Variants in NEBL observed in about 807,000 individuals in gnomAD.
NEBL encodes the protein LIM and SH3 protein 2.
In NEBL, 122 loss-of-function variants were observed where a neutral mutation model predicts 140.2. That is an observed-to-expected ratio of 0.87 (90% CI 0.75 to 1.01). NEBL has a LOEUF of 1.01. Ranked by LOEUF, NEBL falls within the 50% of genes least tolerant of loss-of-function variation. The pLI is 0.00. For synonymous variants in NEBL, 436 were observed against 398.9 expected, an observed-to-expected ratio of 1.09 and a Z score of -1.11; for missense variants, 1,365 against 1,231.3, an observed-to-expected ratio of 1.11 and a Z score of -1.62.
chr10:20,865,152 G>A (rs556717465), intron 7 of NEBL, among the ~76,000 whole-genome samples: 1 of 152,236 alleles, frequency 6.6e-6, no homozygotes, highest in East Asian at 1.9e-4. Flanking sequence ...ATGAATTTAA[G>A]GCCAGAATCT....
chr10:21,150,893 C>T (rs930204571), intron 2 of NEBL, among the ~76,000 whole-genome samples: 4 of 152,080 alleles, frequency 2.6e-5, no homozygotes, highest in Admixed American at 6.5e-5. Flanking sequence ...AACAAGGTTC[C>T]GTTGTCAAAA....
At chr10:21,136,178 C>T (rs1333140156) in intron 2 of NEBL, among the ~76,000 whole-genome samples, 1 of 152,180 alleles carries the variant, frequency 6.6e-6, no homozygotes, top group Non-Finnish European at 1.5e-5. Flanking sequence ...ATTAAGATCA[C>T]CTAGTGAGAC....
intron 2 of NEBL, among the ~76,000 whole-genome samples, chr10:21,105,038 A>G (rs1220181429): frequency 6.6e-6 from 1 of 152,182 alleles, no homozygotes; most frequent in Admixed American, 6.6e-5. Context: ...ATCTTTTTTA[A>G]GGTTATGCCA....
chr10:20,926,729 A>T (rs1299480907), intron 4 of NEBL, among the ~76,000 whole-genome samples: 52 of 152,212 alleles, frequency 3.4e-4, no homozygotes. Flanking sequence ...GGCCAGCAGC[A>T]TTACTGCCGA....
intron 22 of NEBL, 101 bp downstream of exon 22, chr10:20,815,524 T>C: frequency 6.2e-6 from 6 of 966,260 alleles, no homozygotes; most frequent in Non-Finnish European, 9.9e-6. Context: ...TCACAAATGT[T>C]TCTTGAAAAT....
intron 2 of NEBL, among the ~76,000 whole-genome samples, chr10:20,891,499 T>C (rs1847028819): frequency 6.6e-6 from 1 of 152,186 alleles, no homozygotes; most frequent in Non-Finnish European, 1.5e-5. Context: ...ATTTTTATCT[T>C]TTGCCACCAT....
intron 1 of NEBL, among the ~76,000 whole-genome samples, chr10:21,275,225 G>A (rs1842905687): frequency 6.6e-6 from 1 of 152,214 alleles, no homozygotes; most frequent in African/African-American, 2.4e-5. Flanking sequence ...CTGACTCCCA[G>A]AAACTATAAG....
At chr10:20,913,971 A>T (rs1232553745) in intron 4 of NEBL, among the ~76,000 whole-genome samples, 1 of 152,226 alleles carries the variant, frequency 6.6e-6, no homozygotes, top group African/African-American at 2.4e-5. Context: ...GGATAGACTC[A>T]TCAATAGAGC....
intron 1 of NEBL, among the ~76,000 whole-genome samples, chr10:21,172,913 G>A (rs1363265516): frequency 2.0e-5 from 3 of 152,166 alleles, no homozygotes; most frequent in East Asian, 3.9e-4. Flanking sequence ...GGGGCTGCAC[G>A]AGAGCTATGT....
intron 2 of NEBL, among the ~76,000 whole-genome samples, chr10:21,134,096 C>T (rs973166419): frequency 3.9e-5 from 6 of 151,968 alleles, no homozygotes; most frequent in South Asian, 4.1e-4. Context: ...CATGGTGTCA[C>T]GTGCCTGTAG....
exon 1 of NEBL, chr10:21,174,185 A>G: frequency 3.0e-6 from 1 of 336,790 alleles, no homozygotes; most frequent in East Asian, 1.6e-4. Flanking sequence ...GCCGCCGCGC[A>G]GGCCAAACCC....
chr10:20,963,001 AAAACACAC>A (rs1467613994), intron 3 of NEBL, among the ~76,000 whole-genome samples: 13 of 100,820 alleles, frequency 1.3e-4, no homozygotes, highest in African/African-American at 4.6e-4. Flanking sequence ...GCTTGAAAGA[AAAACACAC>A]ACACACACAC....
At chr10:21,014,705 A>C (rs930458945) in intron 3 of NEBL, among the ~76,000 whole-genome samples, 2 of 152,194 alleles carry the variant, frequency 1.3e-5, no homozygotes, top group Admixed American at 6.5e-5. Context: ...ATGGAATATA[A>C]AATAAGAAGG....
intron 4 of NEBL, among the ~76,000 whole-genome samples, chr10:20,916,818 C>A (rs1848575935): frequency 6.6e-6 from 1 of 152,140 alleles, no homozygotes; most frequent in Non-Finnish European, 1.5e-5. Flanking sequence ...TTATACTTTA[C>A]CACTAGAGTG....
chr10:20,884,091 G>A lies in NEBL; in HGVS notation c.370-3187C>T, dbSNP rs112883469. On this transcript the variant is annotated intron_variant, in intron 4 of 27. Transcript: ENST00000377122. Reference sequence around the variant, plus strand: ...TGTTACTAGGAACCTGGAGACAGGAGTCCACTTGCAATAGTCATATACACT... The same window carrying A: ...TGTTACTAGGAACCTGGAGACAGGAATCCACTTGCAATAGTCATATACACT... Among the ~76,000 whole-genome samples the A allele has an allele frequency of 4.7e-3, 711 of 152,256 alleles. 4 individuals are homozygous for A. The highest frequency in any genetic ancestry group is 7.7e-3 in the Non-Finnish European group (527 of 68,012).
intron 1 of NEBL, among the ~76,000 whole-genome samples, chr10:21,281,377 G>T (rs1842991529): frequency 6.6e-6 from 1 of 151,918 alleles, no homozygotes; most frequent in Non-Finnish European, 1.5e-5. Flanking sequence ...GCCCAGGCTG[G>T]TCTCAAACTC....
chr10:20,950,409 C>A (rs181859506), intron 4 of NEBL, among the ~76,000 whole-genome samples: 1 of 152,298 alleles, frequency 6.6e-6, no homozygotes, highest in African/African-American at 2.4e-5. Flanking sequence ...TCTCTCCCTG[C>A]ACTCTAACAA....
intron 14 of NEBL, among the ~76,000 whole-genome samples, chr10:20,832,945 G>C (rs1840553443): frequency 6.6e-6 from 1 of 152,176 alleles, no homozygotes; most frequent in South Asian, 2.1e-4. Flanking sequence ...TAGTCAGCCT[G>C]TTCAAAGCCC....
chr10:21,275,402 G>T (rs771803259), intron 1 of NEBL, among the ~76,000 whole-genome samples: 21 of 152,298 alleles, frequency 1.4e-4, no homozygotes, highest in Non-Finnish European at 2.6e-4. Context: ...CCAGCTTCCA[G>T]ACCTTAAGTG....
Sources: gnomAD v4.1 joint callset for allele counts (sites outside exome capture counted in the v4.1 genomes callset) on GRCh38, gnomAD v4.1.1 for gene constraint, MANE v1.5 for transcripts, NCBI Gene and HGNC (gene_info 2026-07-23, HGNC 2026-07-21) for gene names.